Variants in SLC2A1 observed in about 807,000 individuals in gnomAD.
SLC2A1 encodes the protein solute carrier family 2 member 1, also known as solute carrier family 2, facilitated glucose transporter member 1.
In SLC2A1, 4 loss-of-function variants were observed where a neutral mutation model predicts 46.6. The ratio of observed to expected loss-of-function variants is 0.09; its 90% CI spans 0.04 to 0.20. The LOEUF (loss-of-function observed/expected upper bound fraction) is 0.20. Ranked by LOEUF, SLC2A1 falls within the 10% of genes least tolerant of loss-of-function variation. The probability of loss-of-function intolerance (pLI) is 1.00; values close to 1 mark genes in which losing one functional copy is unlikely to be tolerated. For missense variants in SLC2A1, 352 were observed against 667.0 expected (o/e 0.53, Z 5.20); for synonymous variants, 253 against 270.0 (o/e 0.94, Z 0.62).
At position 42,929,807 on chromosome 1, in the gene SLC2A1, G is replaced by A. The variant is rs778878550; in HGVS notation, c.680-27C>T. On this transcript the variant is annotated intron_variant, in intron 5 of 9. Transcript: ENST00000426263. This position sits in a 1 kb window ranked among gnomAD's most constrained non-coding sequence, Gnocchi z 6.0. ...TGGGGGGACCGGAGGGAAGGTGAGG[G>A]TGGCTCAGAGTGGGAAGAAGGCCAG... 1.9e-6 allele frequency: 3 copies of A among 1,614,202 alleles called. No individual in the cohort carries two copies. Among genetic ancestry groups the A allele is most frequent in the Non-Finnish European group, 2.5e-6 (3 of 1,180,010 alleles).
intron 1 of SLC2A1, among the ~76,000 whole-genome samples, chr1:42,950,708 C>G (rs746770921): frequency 6.6e-6 from 1 of 152,212 alleles, no homozygotes; most frequent in Non-Finnish European, 1.5e-5. Flanking sequence ...CATGGTGGCT[C>G]ACGCCTGTAA....
At chr1:42,928,669 C>T (rs1341152578) in intron 8 of SLC2A1, among the ~76,000 whole-genome samples, 1 of 152,126 alleles carries the variant, frequency 6.6e-6, no homozygotes, top group Non-Finnish European at 1.5e-5. Context: ...TTAGGCAAAG[C>T]AATTCCTTAA....
At position 42,929,188 on chromosome 1, in the gene SLC2A1, G is replaced by A; in HGVS notation, c.972+22C>T. 2.5e-6 allele frequency: 4 copies of A among 1,604,390 alleles called. No individual in the cohort carries two copies. Among genetic ancestry groups the A allele is most frequent in the Non-Finnish European group, 3.4e-6 (4 of 1,171,252 alleles). On this transcript the variant is annotated intron_variant, in intron 7 of 9. Transcript: ENST00000426263. This position sits in a 1 kb window ranked among gnomAD's most constrained non-coding sequence, Gnocchi z 6.0. The stretch of plus-strand genomic sequence containing the variant: ...CCTCCTCCCTGGGGTTTGGCTGGGG[G>A]GGCCAGTAAGCAAAGACTCACCGAC...
At position 42,930,535 on chromosome 1, in the gene SLC2A1, G is replaced by A. The variant is rs1643477344; in HGVS notation, c.516+91C>T. The A allele has an allele frequency of 6.4e-7, 1 of 1,559,666 alleles. No homozygotes were observed. The highest frequency in any genetic ancestry group is 8.8e-7 in the Non-Finnish European group (1 of 1,142,086). On this transcript the variant is annotated intron_variant, in intron 4 of 9. Coordinates refer to ENST00000426263, the MANE Select transcript of SLC2A1 (RefSeq NM_006516.4). The surrounding 1 kb of genome is among the most constrained non-coding windows in gnomAD (Gnocchi z 6.2). Reference sequence around the variant, plus strand: ...GCAAGGCTGTGGGGGCTGGGCGGAAGAGAAACTCTGCCCTGCTGGGCACAG... The same window carrying A: ...GCAAGGCTGTGGGGGCTGGGCGGAAAAGAAACTCTGCCCTGCTGGGCACAG...
chr1:42,956,370 T>A (rs9804138), intron 1 of SLC2A1, among the ~76,000 whole-genome samples: 17,611 of 136,382 alleles, frequency 0.13, 2,788 homozygotes, highest in African/African-American at 0.38. Flanking sequence ...GAGACCAGCC[T>A]GACCAACATG....
chr1:42,940,770 CCA>C (rs1429594386), intron 2 of SLC2A1, among the ~76,000 whole-genome samples: 4 of 152,066 alleles, frequency 2.6e-5, no homozygotes, highest in Non-Finnish European at 2.9e-5. Context: ...TCTTTTTATT[CCA>C]CAGTCTCCCT....
intron 1 of SLC2A1, among the ~76,000 whole-genome samples, chr1:42,946,844 G>T (rs1313062590): frequency 6.6e-6 from 1 of 152,170 alleles, no homozygotes; most frequent in African/African-American, 2.4e-5. Context: ...CTTGATCATT[G>T]CTGGGCTTGG....
chr1:42,933,808 G>C (rs1331731131), intron 2 of SLC2A1, among the ~76,000 whole-genome samples: 2 of 152,072 alleles, frequency 1.3e-5, no homozygotes, highest in Non-Finnish European at 2.9e-5. Flanking sequence ...ATTTCACTTT[G>C]CTCTCCTGAG....
At position 42,930,137 on chromosome 1, in the gene SLC2A1, G is replaced by T; in HGVS notation, c.517-102C>A. Reference sequence around the variant, plus strand: ...ACTTTGTGTCAGCTGCTGCTTCAGGGAAGGGCCCCAGTTCTAGAGGCTCTG... The same window carrying T: ...ACTTTGTGTCAGCTGCTGCTTCAGGTAAGGGCCCCAGTTCTAGAGGCTCTG... On this transcript the variant is annotated intron_variant, in intron 4 of 9. Coordinates refer to ENST00000426263, the MANE Select transcript of SLC2A1 (RefSeq NM_006516.4). This position sits in a 1 kb window ranked among gnomAD's most constrained non-coding sequence, Gnocchi z 6.2. The T allele has an allele frequency of 7.5e-7, 1 of 1,334,498 alleles. No individual in the cohort carries two copies. Among genetic ancestry groups the T allele is most frequent in the East Asian group, 2.4e-5 (1 of 40,930 alleles). 82.7% of individuals were successfully genotyped at this position (1,334,498 alleles called of 1,614,324 possible).
chr1:42,947,651 G>A (rs1643673409), intron 1 of SLC2A1, among the ~76,000 whole-genome samples: 2 of 150,356 alleles, frequency 1.3e-5, no homozygotes, highest in Non-Finnish European at 2.9e-5. Flanking sequence ...GAGCCTGGGA[G>A]GCAGAAGTTG....
In SLC2A1 at chr1:42,947,581, CAAAAAAAA is replaced by C. The variant is rs144784155; in HGVS notation, c.19-4268_19-4261del. ...TACTAAAATTACACACACACACACA[CAAAAAAAA>C]AAAAAAAAAAAAAAAAACAGCTGGA... On this transcript the variant is annotated intron_variant, in intron 1 of 9. Coordinates refer to ENST00000426263, the MANE Select transcript of SLC2A1 (RefSeq NM_006516.4). 5.6e-4 allele frequency among the ~76,000 whole-genome samples: 31 copies of C among 55,836 alleles called. No homozygotes were observed. The East Asian group carries it at 0.012, about 22-fold the overall frequency. The allele number at this position is 55,836 out of a possible 152,430, so 36.6% of individuals were successfully genotyped here. A position where few individuals can be genotyped will look rare whatever the true frequency, so the allele number is the denominator to read the frequency against.
At chr1:42,942,923 G>C (rs1643612832) in intron 2 of SLC2A1, 3 of 448,640 alleles carry the variant, frequency 6.7e-6, no homozygotes, top group Non-Finnish European at 1.2e-5. Context: ...GCTTTGCTTT[G>C]AGTTTATTAT....
At chr1:42,940,867 A>C (rs926423560) in intron 2 of SLC2A1, among the ~76,000 whole-genome samples, 5 of 152,080 alleles carry the variant, frequency 3.3e-5, no homozygotes, top group African/African-American at 1.2e-4. Flanking sequence ...ACCCATACAT[A>C]CAGGTGCCTC....
At chr1:42,935,988 A>G (rs80339378) in intron 2 of SLC2A1, among the ~76,000 whole-genome samples, 2,495 of 152,230 alleles carry the variant, frequency 0.016, 80 homozygotes, top group African/African-American at 0.056. Context: ...TTGTTAGCTC[A>G]TGGGTTGCAC....
chr1:42,953,061 G>A (rs1296440351), intron 1 of SLC2A1, among the ~76,000 whole-genome samples: 2 of 152,218 alleles, frequency 1.3e-5, no homozygotes, highest in Non-Finnish European at 1.5e-5. Context: ...TTCTGATGGA[G>A]CCGTTTCCTC....
rs775307302 is a variant in SLC2A1 at position 42,930,823 on chromosome 1, C to T, written c.319G>A (p.Ala107Thr). The T allele has an allele frequency of 1.5e-5, 24 of 1,600,720 alleles. No individual in the cohort carries two copies. Among genetic ancestry groups the T allele is most frequent in the Middle Eastern group, 1.6e-4 (1 of 6,082 alleles). The change falls in exon 4 of 10, where the codon GCC becomes ACC. Residue 107 changes from alanine to threonine, a missense_variant. By Grantham distance (58) the Ala-to-Thr change is moderately conservative. This residue lies in a region of SLC2A1 where 97 missense variants were observed against 175.6 expected (regional missense o/e 0.55). Transcript: ENST00000426263. The surrounding 1 kb of genome is among the most constrained non-coding windows in gnomAD (Gnocchi z 6.2). ...AGTTTCGAGAAGCCCATGAGCACGGCGGACACGAAGGCCAGCAGGTTCATC... is the reference window on the plus strand; with the variant it reads ...AGTTTCGAGAAGCCCATGAGCACGGTGGACACGAAGGCCAGCAGGTTCATC... Reference protein sequence around the residue: ...LMMNLLAFVSAVLMGFSKLGK... With the variant: ...LMMNLLAFVSTVLMGFSKLGK...
At chr1:42,945,550 C>A (rs1218192162) in intron 1 of SLC2A1, among the ~76,000 whole-genome samples, 1 of 151,988 alleles carries the variant, frequency 6.6e-6, no homozygotes, top group African/African-American at 2.4e-5. Context: ...GAGTTCGAGA[C>A]CAGCCTGGCC....
At chr1:42,931,533 G>A (rs1643490003) in intron 2 of SLC2A1, among the ~76,000 whole-genome samples, 1 of 152,074 alleles carries the variant, frequency 6.6e-6, no homozygotes, top group Non-Finnish European at 1.5e-5. Flanking sequence ...GCATAGAACA[G>A]AGAGGTACAA....
chr1:42,939,636 GTCT>G, intron 2 of SLC2A1, among the ~76,000 whole-genome samples: 1 of 152,262 alleles, frequency 6.6e-6, no homozygotes, highest in African/African-American at 2.4e-5. Flanking sequence ...TCTCAGATTT[GTCT>G]ACATCTTCAG....
Sources: allele counts gnomAD v4.1 joint callset (sites outside exome capture counted in the v4.1 genomes callset), GRCh38; gene constraint gnomAD v4.1.1; regional missense constraint gnomAD v4.1.1; non-coding constraint Gnocchi (gnomAD v3.1); transcripts MANE v1.5; gene names NCBI Gene and HGNC (gene_info 2026-07-23, HGNC 2026-07-21).